ASH2L: variants seen among roughly 807,000 people sequenced by gnomAD.
ASH2L encodes ASH2 like, histone lysine methyltransferase complex subunit.
ASH2L carries 30 observed loss-of-function variants against 81.1 expected under a neutral mutation model. The observed-to-expected ratio is 0.37, with a 90% CI of 0.28 to 0.50. ASH2L has a LOEUF of 0.50. Ranked by LOEUF, ASH2L falls within the 20% of genes least tolerant of loss-of-function variation. ASH2L has a pLI of 0.95. For missense variants in ASH2L, 559 were observed against 792.1 expected (o/e 0.71, Z 3.53); for synonymous variants, 273 against 279.9 (o/e 0.98, Z 0.24).
At position 38,110,808 on chromosome 8, in the gene ASH2L, C is replaced by T. The variant is rs367729569; in HGVS notation, c.560C>T (p.Pro187Leu). 1.4e-5 allele frequency: 23 copies of T among 1,613,566 alleles called. No homozygotes were observed. Among genetic ancestry groups the T allele is most frequent in the African/African-American group, 4.0e-5 (3 of 74,888 alleles). ...TWQSRTQDEH[P>L]KTMFSKDKDI... ...CAGTCCCGAACACAGGATGAACATC[C>T]GAAGACAATGTTCTCCAAAGATAAG... The change falls in exon 5 of 16, where the codon CCG (proline) becomes CTG (leucine). Residue 187 changes from proline (P) to leucine (L), a missense_variant. Physicochemically the swap from Pro to Leu is moderately conservative, Grantham distance 98 (BLOSUM62 -3). Transcript: ENST00000343823.
rs575734242 is a variant in ASH2L, at chr8:38,120,825, T to C, written c.948-107T>C. 7 of 854,622 alleles carry C rather than the reference T, an allele frequency of 8.2e-6. No individual in the cohort carries two copies. In the South Asian group the frequency reaches 1.1e-4, roughly 13 times the overall value. The allele number at this position is 854,622 out of a possible 1,614,324, so 52.9% of individuals were successfully genotyped here. ...GTAATGAGAAGTATTTGCTGTGAAG[T>C]TGCATGTATTCTAGCTGAAATAAAC... is the stretch of plus-strand genomic sequence containing the variant. On this transcript the variant is annotated intron_variant, in intron 9 of 15. Coordinates refer to ENST00000343823, the MANE Select transcript of ASH2L (RefSeq NM_004674.5).
At position 38,136,139 on chromosome 8, in the gene ASH2L, T is replaced by A. The variant is rs116556029; in HGVS notation, c.1719+373T>A. 3.3e-4 allele frequency among the ~76,000 whole-genome samples: 47 copies of A among 142,836 alleles called. No homozygotes were observed. The East Asian group carries it at 9.1e-3, about 28-fold the overall frequency. The allele number at this position is 142,836 out of a possible 152,430, so 93.7% of individuals were successfully genotyped here. ...TTTTTTTTTTTTTTTTGAGACAGTG[T>A]CTCACTCTGTTGCATAGGCTCACCA... On this transcript the variant is annotated intron_variant, in intron 14 of 15. Coordinates refer to ENST00000343823, the MANE Select transcript of ASH2L (RefSeq NM_004674.5).
intron 12 of ASH2L, 71 bp from the exon 13 acceptor site, chr8:38,133,383 G>A: frequency 9.9e-7 from 1 of 1,006,638 alleles, no homozygotes; most frequent in South Asian, 1.3e-5. Context: ...CTATTTGTGT[G>A]CGGATGCGTT....
Position 38,111,585 on chromosome 8 carries a change from G to A in ASH2L, c.585+752G>A, listed in dbSNP as rs542924875. ...ATGGTTTTTTTAGAGACAGGGTTTC[G>A]CCACGTTGCCCAGGCAGGTAGAACT... On this transcript the variant is annotated intron_variant, in intron 5 of 15. Transcript: ENST00000343823. Among the ~76,000 whole-genome samples the A allele has an allele frequency of 8.0e-4, 121 of 150,686 alleles. 1 individual carries two copies. The highest frequency in any genetic ancestry group is 2.4e-3 in the African/African-American group (99 of 40,946).
chr8:38,115,639 A>G (rs915774872), intron 7 of ASH2L, among the ~76,000 whole-genome samples: 1 of 152,060 alleles, frequency 6.6e-6, no homozygotes, highest in African/African-American at 2.4e-5. Context: ...TGTCTCTCAA[A>G]AAAGAAAATG....
intron 5 of ASH2L, among the ~76,000 whole-genome samples, chr8:38,112,589 A>C (rs900286458): frequency 6.6e-6 from 1 of 152,094 alleles, no homozygotes; most frequent in Non-Finnish European, 1.5e-5. Context: ...TGGCAAGAAT[A>C]TTACATAAGT....
Position 38,115,046 on chromosome 8 carries a change from G to A in ASH2L, c.777+46G>A, listed in dbSNP as rs181361379. 125 of 1,236,870 alleles carry A rather than the reference G, an allele frequency of 1.0e-4. No homozygotes were observed. The South Asian group carries it at 1.2e-3, about 12-fold the overall frequency. The allele number at this position is 1,236,870 out of a possible 1,614,324, so 76.6% of individuals were successfully genotyped here. On this transcript the variant is annotated intron_variant, in intron 7 of 15. Transcript: ENST00000343823. ...TTTTCTTTTTGATTTTAAGCCACTCGGGGATAGGTAATCAGGTTCTGTTTA... is the reference window on the plus strand; with the variant it reads ...TTTTCTTTTTGATTTTAAGCCACTCAGGGATAGGTAATCAGGTTCTGTTTA...
At chr8:38,110,699 G>A in intron 4 of ASH2L, 40 bp from the exon 5 acceptor site, 2 of 1,484,638 alleles carry the variant, frequency 1.3e-6, no homozygotes, top group Non-Finnish European at 1.9e-6. Flanking sequence ...TAGAGATGTA[G>A]TACTACAGAT....
At chr8:38,110,965 C>T (rs1478023390) in intron 5 of ASH2L, 132 bp downstream of exon 5, 2 of 763,364 alleles carry the variant, frequency 2.6e-6, no homozygotes, top group East Asian at 2.8e-5. Flanking sequence ...TTACCTTGTT[C>T]TCTTTTTTTT....
chr8:38,126,656 C>T (rs965787024), intron 10 of ASH2L, among the ~76,000 whole-genome samples: 1 of 151,722 alleles, frequency 6.6e-6, no homozygotes. Flanking sequence ...AGATCAAGAC[C>T]ATCCTGGCTA....
chr8:38,133,338 T>G (rs1044332385), intron 12 of ASH2L, 116 bp from the exon 13 acceptor site: 1 of 701,970 alleles, frequency 1.4e-6, no homozygotes, highest in Non-Finnish European at 2.4e-6. Flanking sequence ...CTGCAAAGAT[T>G]TTTAATATCT....
intron 10 of ASH2L, among the ~76,000 whole-genome samples, chr8:38,126,662 G>A (rs1335799976): frequency 6.6e-6 from 1 of 151,380 alleles, no homozygotes; most frequent in Non-Finnish European, 1.5e-5. Flanking sequence ...AGACCATCCT[G>A]GCTAACACGG....
At chr8:38,128,213 G>A (rs2130553603) in intron 10 of ASH2L, 78 bp from the exon 11 acceptor site, 1 of 1,527,234 alleles carries the variant, frequency 6.5e-7, no homozygotes, top group Middle Eastern at 1.9e-4. Flanking sequence ...TTGTTTTATT[G>A]GACTAATGTT....
chr8:38,133,403 A>C (rs754773021), intron 12 of ASH2L, 51 bp from the exon 13 acceptor site: 5 of 1,333,830 alleles, frequency 3.7e-6, no homozygotes, highest in South Asian at 1.2e-5. Context: ...TTTTTTCATG[A>C]TGATGGAGCT....
chr8:38,134,287 C>G (rs931766084), intron 13 of ASH2L, among the ~76,000 whole-genome samples: 2 of 152,046 alleles, frequency 1.3e-5, no homozygotes, highest in African/African-American at 4.8e-5. Context: ...TGCCAAATCC[C>G]CCTCTGTGAG....
chr8:38,114,296 A>T lies in ASH2L; in HGVS notation c.681+9A>T, dbSNP rs754809434. 6.7e-7 allele frequency: 1 copy of T among 1,499,100 alleles called. No homozygotes were observed. The highest frequency in any genetic ancestry group is 1.2e-5 in the South Asian group (1 of 83,654). 92.9% of individuals were successfully genotyped at this position (1,499,100 alleles called of 1,614,324 possible). On this transcript the variant is annotated intron_variant, in intron 6 of 15. Transcript: ENST00000343823. ...ACATTGTTAAAACAATGGTAAGTAG[A>T]TTAAAATTGATTAGACTTGACATTT...
chr8:38,105,660 C>T lies in ASH2L; in HGVS notation c.110C>T (p.Ala37Val), dbSNP rs1297909079. 13 of 1,590,366 alleles carry T rather than the reference C, an allele frequency of 8.2e-6. No individual in the cohort carries two copies. Among genetic ancestry groups the T allele is most frequent in the Non-Finnish European group, 1.0e-5 (12 of 1,170,458 alleles). Reference protein sequence around the residue: ...AEEGEMKPVAAGAAAPPGEGI... With the variant: ...AEEGEMKPVAVGAAAPPGEGI... Reference sequence around the variant, plus strand: ...GAGGGGGAGATGAAGCCGGTGGCAGCGGGAGCAGCCGCTCCTCCTGGAGAG... The same window carrying T: ...GAGGGGGAGATGAAGCCGGTGGCAGTGGGAGCAGCCGCTCCTCCTGGAGAG... The change falls in exon 1 of 16, where the codon GCG (alanine) becomes GTG (valine). Residue 37 changes from alanine to valine, a missense_variant. This residue lies in a region of ASH2L where 145 missense variants were observed against 115.5 expected (regional missense o/e 1.26). Coordinates refer to ENST00000343823, the MANE Select transcript of ASH2L (RefSeq NM_004674.5).
chr8:38,135,896 A>G (rs1366739641), intron 14 of ASH2L, 130 bp downstream of exon 14: 3 of 619,844 alleles, frequency 4.8e-6, no homozygotes, highest in Non-Finnish European at 8.3e-6. Context: ...TGTTGTTACC[A>G]TTACTGTTTA....
intron 12 of ASH2L, among the ~76,000 whole-genome samples, chr8:38,131,254 G>A (rs1488405006): frequency 6.6e-6 from 1 of 152,062 alleles, no homozygotes; most frequent in African/African-American, 2.4e-5. Context: ...CCACACTGAT[G>A]CCTGGTTTTA....
Sources: allele counts gnomAD v4.1 joint callset (sites outside exome capture counted in the v4.1 genomes callset), GRCh38; gene constraint gnomAD v4.1.1; regional missense constraint gnomAD v4.1.1; transcripts MANE v1.5; gene names NCBI Gene and HGNC (gene_info 2026-07-23, HGNC 2026-07-21).